The following PTP4A3 variants were observed in gnomAD, a reference collection of about 807,000 sequenced individuals.
PTP4A3 encodes protein tyrosine phosphatase type IVA 3.
In PTP4A3, 9 loss-of-function variants were observed where a neutral mutation model predicts 15.2. The observed-to-expected ratio is 0.59, with a 90% CI of 0.36 to 1.03. The LOEUF (loss-of-function observed/expected upper bound fraction) is 1.03, where lower values mean the gene tolerates loss of function less well. PTP4A3 is among the 50% of genes least tolerant of loss of function. The pLI, the probability that PTP4A3 is intolerant of heterozygous loss-of-function variation, is 0.02. For synonymous variants in PTP4A3, 95 were observed against 102.0 expected (o/e 0.93, Z 0.41); for missense variants, 234 against 252.1 (o/e 0.93, Z 0.49).
At chr8:141,393,438 C>T (rs1360785244) in intron 1 of PTP4A3, among the ~76,000 whole-genome samples, 1 of 152,206 alleles carries the variant, frequency 6.6e-6, no homozygotes, top group African/African-American at 2.4e-5. Flanking sequence ...TCCAAATAGC[C>T]CCGCTAGGGA....
Position 141,406,894 on chromosome 8 carries a change from G to A in PTP4A3, c.-853-14494G>A, listed in dbSNP as rs982657331. ...CCCACTGTATGTGCAAGGTCATGCA[G>A]GTTATGCTTTGAACTTCCAAAAATG... On this transcript the variant is annotated intron_variant, in intron 1 of 5. Coordinates refer to ENST00000521578, the MANE Select transcript of PTP4A3 (RefSeq NM_032611.3). This position sits in a 1 kb window ranked among gnomAD's most constrained non-coding sequence, Gnocchi z 4.5. 6.6e-6 allele frequency among the ~76,000 whole-genome samples: 1 copy of A among 152,218 alleles called. No homozygotes were observed. The highest frequency in any genetic ancestry group is 1.5e-5 in the Non-Finnish European group (1 of 68,042).
chr8:141,410,221 G>A (rs1044210264), intron 1 of PTP4A3, among the ~76,000 whole-genome samples: 4 of 152,374 alleles, frequency 2.6e-5, no homozygotes, highest in Non-Finnish European at 4.4e-5. Context: ...GGCAGGAGTC[G>A]GGAGGCCCCG....
intron 3 of PTP4A3, 176 bp from the exon 4 acceptor site, chr8:141,426,763 T>C (rs1833593331): frequency 2.2e-6 from 2 of 924,174 alleles, no homozygotes; most frequent in Non-Finnish European, 2.6e-6. Context: ...GCACTCACCA[T>C]GGGGTGCCCA....
chr8:141,407,889 C>T (rs1302143809), intron 1 of PTP4A3, among the ~76,000 whole-genome samples: 1 of 152,130 alleles, frequency 6.6e-6, no homozygotes, highest in Non-Finnish European at 1.5e-5. Context: ...TTTCTTAAAA[C>T]ATCATGAGGT....
At chr8:141,420,260 A>G (rs1443919244) in intron 1 of PTP4A3, among the ~76,000 whole-genome samples, 4 of 152,106 alleles carry the variant, frequency 2.6e-5, no homozygotes, top group Non-Finnish European at 5.9e-5. Flanking sequence ...GGGGCTGGAG[A>G]GTCTGCTAAC....
rs866009526 is a variant in PTP4A3, at chr8:141,425,049, A to G, written c.107A>G (p.Asp36Gly). 2 of 1,611,402 alleles carry G rather than the reference A, an allele frequency of 1.2e-6. No individual in the cohort carries two copies. Among genetic ancestry groups the G allele is most frequent in the Middle Eastern group, 3.3e-4 (2 of 6,060 alleles). The part of the protein sequence containing the change: ...TNATLSTFIE[D>G]LKKYGATTVV... ...CCTCCTCCGTCCTCCCACCCCCAGGACCTGAAGAAGTACGGGGCTACCACT... is the reference window on the plus strand; with the variant it reads ...CCTCCTCCGTCCTCCCACCCCCAGGGCCTGAAGAAGTACGGGGCTACCACT... Residue 36 changes from aspartate to glycine, a missense_variant and splice_region_variant, in exon 3 of 6, where the codon GAC becomes GGC. Asp to Gly is a moderately conservative substitution (Grantham distance 94). Transcript: ENST00000521578. This position sits in a 1 kb window ranked among gnomAD's most constrained non-coding sequence, Gnocchi z 4.2.
chr8:141,431,258 T>G lies in PTP4A3; in HGVS notation c.*214T>G, dbSNP rs1315153495. The G allele has an allele frequency of 3.5e-6, 2 of 578,946 alleles. No homozygotes were observed. The highest frequency in any genetic ancestry group is 6.1e-6 in the Non-Finnish European group (2 of 327,140). The allele number at this position is 578,946 out of a possible 1,614,324, so 35.9% of individuals were successfully genotyped here. A position where few individuals can be genotyped will look rare whatever the true frequency, so the allele number is the denominator to read the frequency against. ...TGGCCTCTGGGCCCTTTCTCCTGTC[T>G]CCGCCACTCCCTCTGGCGGCGCTGG... On this transcript the variant is annotated 3_prime_UTR_variant, in exon 6 of 6. Transcript: ENST00000521578.
intron 4 of PTP4A3, 30 bp downstream of exon 4, chr8:141,427,099 A>C (rs763503017): frequency 1.9e-6 from 3 of 1,586,154 alleles, no homozygotes; most frequent in Non-Finnish European, 2.6e-6. Flanking sequence ...AGGGCTCGCC[A>C]TGTCAGGTGG....
intron 1 of PTP4A3, among the ~76,000 whole-genome samples, chr8:141,412,119 A>G (rs1485226129): frequency 2.0e-5 from 3 of 152,296 alleles, no homozygotes; most frequent in South Asian, 2.1e-4. Context: ...GAGGGGCGTC[A>G]TGGGTATATG....
In PTP4A3 at chr8:141,421,984, T is replaced by G; in HGVS notation, c.-257T>G. The G allele has an allele frequency of 4.4e-6, 2 of 454,540 alleles. No individual in the cohort carries two copies. Among genetic ancestry groups the G allele is most frequent in the East Asian group, 3.9e-5 (1 of 25,760 alleles). The allele number at this position is 454,540 out of a possible 1,614,324, so 28.2% of individuals were successfully genotyped here. On this transcript the variant is annotated 5_prime_UTR_variant, in exon 2 of 6. Coordinates refer to ENST00000521578, the MANE Select transcript of PTP4A3 (RefSeq NM_032611.3). ...TTGGGTTGGGGGGGGCGGCGGGCTG[T>G]TTTGTTCCTTTTCTTTTTTAAGAGT...
chr8:141,422,067 A>G lies in PTP4A3; in HGVS notation c.-174A>G. 2 of 572,646 alleles carry G rather than the reference A, an allele frequency of 3.5e-6. No homozygotes were observed. Among genetic ancestry groups the G allele is most frequent in the Non-Finnish European group, 6.1e-6 (2 of 326,718 alleles). 35.5% of individuals were successfully genotyped at this position (572,646 alleles called of 1,614,324 possible). On this transcript the variant is annotated 5_prime_UTR_variant, in exon 2 of 6. Coordinates refer to ENST00000521578, the MANE Select transcript of PTP4A3 (RefSeq NM_032611.3). ...GCAGCTTCCTCCCCCACACCCAAGT[A>G]TTTGCACAATATTTGTGCGGGGTAT...
At chr8:141,419,902 C>T (rs530817616) in intron 1 of PTP4A3, among the ~76,000 whole-genome samples, 30 of 152,304 alleles carry the variant, frequency 2.0e-4, no homozygotes, top group African/African-American at 7.2e-4. Flanking sequence ...TTAACCTTCC[C>T]AGAACCATGC....
intron 1 of PTP4A3, among the ~76,000 whole-genome samples, chr8:141,394,611 C>A (rs1470910903): frequency 6.6e-6 from 1 of 152,220 alleles, no homozygotes; most frequent in East Asian, 1.9e-4. Context: ...CCCTCCGTTT[C>A]CACACCTGTA....
rs1033913563 is a variant in PTP4A3 at position 141,425,826 on chromosome 8, T to C, written c.198+686T>C. On this transcript the variant is annotated intron_variant, in intron 3 of 5. Transcript: ENST00000521578. The surrounding 1 kb of genome is among the most constrained non-coding windows in gnomAD (Gnocchi z 4.2). ...GGGGTTGCAGTTTTGTGACCTCAGCTTGGCGGTTTGGAATGGTGGCAGCGC... is the reference window on the plus strand; with the variant it reads ...GGGGTTGCAGTTTTGTGACCTCAGCCTGGCGGTTTGGAATGGTGGCAGCGC... 6.6e-6 allele frequency among the ~76,000 whole-genome samples: 1 copy of C among 152,200 alleles called. No homozygotes were observed. The highest frequency in any genetic ancestry group is 2.4e-5 in the African/African-American group (1 of 41,452).
Position 141,421,802 on chromosome 8 carries a change from G to A in PTP4A3, c.-439G>A. 1 of 160,480 alleles carries A rather than the reference G, an allele frequency of 6.2e-6. No individual in the cohort carries two copies. The highest frequency in any genetic ancestry group is 1.4e-5 in the Non-Finnish European group (1 of 73,816). The allele number at this position is 160,480 out of a possible 1,614,324, so 9.9% of individuals were successfully genotyped here. On this transcript the variant is annotated 5_prime_UTR_variant, in exon 2 of 6. It adds an upstream start codon to the 5' untranslated region. Coordinates refer to ENST00000521578, the MANE Select transcript of PTP4A3 (RefSeq NM_032611.3). The stretch of plus-strand genomic sequence containing the variant: ...CCAATGTGGAGAGGGCGCCCCCGGT[G>A]TGGGGTCCAGCTCTGGACACTGCTT...
chr8:141,416,435 G>C (rs55634427), intron 1 of PTP4A3, among the ~76,000 whole-genome samples: 22,098 of 152,180 alleles, frequency 0.15, 1,805 homozygotes, highest in East Asian at 0.21. Flanking sequence ...GCAGTGTCTA[G>C]CCTGGTATCC....
intron 1 of PTP4A3, among the ~76,000 whole-genome samples, chr8:141,416,415 C>T (rs1833056189): frequency 6.6e-6 from 1 of 152,056 alleles, no homozygotes; most frequent in Non-Finnish European, 1.5e-5. Context: ...GTGTGTCTTG[C>T]TTGTGGAATG....
At chr8:141,421,253 C>T (rs1377198216) in intron 1 of PTP4A3, 135 bp from the exon 2 acceptor site, 5 of 152,336 alleles carry the variant, frequency 3.3e-5, no homozygotes, top group African/African-American at 1.2e-4. Flanking sequence ...GGGTCATTCT[C>T]TCAGCATGGT....
Position 141,414,061 on chromosome 8 carries a change from C to CGT in PTP4A3, c.-853-7305_-853-7304dup, listed in dbSNP as rs10571256. ...CTGATCTGGTCATCTGTTTCTGTGG[C>CGT]GTGTGTGTGTGTGTGTGTGTGTGCA... On this transcript the variant is annotated intron_variant, in intron 1 of 5. Coordinates refer to ENST00000521578, the MANE Select transcript of PTP4A3 (RefSeq NM_032611.3). 4.0e-3 allele frequency among the ~76,000 whole-genome samples: 598 copies of CGT among 150,248 alleles called. 2 individuals carry two copies. The highest frequency in any genetic ancestry group is 6.3e-3 in the Admixed American group (96 of 15,136).
Sources: allele counts gnomAD v4.1 joint callset (sites outside exome capture counted in the v4.1 genomes callset), GRCh38; gene constraint gnomAD v4.1.1; non-coding constraint Gnocchi (gnomAD v3.1); transcripts MANE v1.5; gene names NCBI Gene and HGNC (gene_info 2026-07-23, HGNC 2026-07-21).